TENM2: variants seen among roughly 807,000 people sequenced by gnomAD.
The protein encoded by TENM2 is teneurin transmembrane protein 2, also known as teneurin-2.
In TENM2, 52 loss-of-function variants were observed where a neutral mutation model predicts 245.2. The ratio of observed to expected loss-of-function variants is 0.21; its 90% CI spans 0.17 to 0.27. TENM2 has a LOEUF of 0.27. Ranked by LOEUF, TENM2 falls within the 10% of genes least tolerant of loss-of-function variation. The pLI is 1.00. For missense variants in TENM2, 3,046 were observed against 3,666.8 expected (o/e 0.83, Z 4.37); for synonymous variants, 1,363 against 1,438.9 (o/e 0.95, Z 1.19).
At chr5:167,783,635 C>T (rs1172975740) in intron 2 of TENM2, among the ~76,000 whole-genome samples, 2 of 152,212 alleles carry the variant, frequency 1.3e-5, no homozygotes, top group Non-Finnish European at 2.9e-5. Context: ...TTCCTCTATA[C>T]TGACCTTATG....
At chr5:167,991,576 G>A (rs999659378) in intron 4 of TENM2, among the ~76,000 whole-genome samples, 1 of 152,188 alleles carries the variant, frequency 6.6e-6, no homozygotes, top group Non-Finnish European at 1.5e-5. Flanking sequence ...AAGTGCCCTT[G>A]GAGCGACAGA....
At chr5:167,118,592 A>G in the TENM2 span, among the ~76,000 whole-genome samples, 1 of 152,232 alleles carries the variant, frequency 6.6e-6, no homozygotes, top group Non-Finnish European at 1.5e-5. Context: ...TTTATTGATC[A>G]AAGAAAACTT....
chr5:168,158,898 T>TAC (rs1326193295), intron 12 of TENM2, among the ~76,000 whole-genome samples: 10 of 141,306 alleles, frequency 7.1e-5, no homozygotes, highest in Non-Finnish European at 4.6e-5. Context: ...CGTATATATA[T>TAC]ACATGTATAT....
chr5:167,846,980 G>GT (rs1226231743), intron 2 of TENM2, among the ~76,000 whole-genome samples: 1 of 146,284 alleles, frequency 6.8e-6, no homozygotes. Context: ...GATTGGAAAT[G>GT]GGATCTCATT....
At chr5:167,206,847 A>G in the TENM2 span, among the ~76,000 whole-genome samples, 3 of 152,210 alleles carry the variant, frequency 2.0e-5, no homozygotes, top group African/African-American at 7.2e-5. Flanking sequence ...AACTAATGTT[A>G]CTATGACTTG....
At chr5:167,536,372 G>T (rs961110098) in intron 2 of TENM2, among the ~76,000 whole-genome samples, 1 of 152,022 alleles carries the variant, frequency 6.6e-6, no homozygotes, top group African/African-American at 2.4e-5. Context: ...TAAAGATAAT[G>T]ATCAGCAAAC....
the TENM2 span, among the ~76,000 whole-genome samples, chr5:167,174,109 GTT>G: frequency 7.1e-6 from 1 of 141,312 alleles, no homozygotes; most frequent in African/African-American, 2.6e-5. Context: ...GAGTTTTCTC[GTT>G]TTTTTTTTTT....
At chr5:167,013,036 A>G in the TENM2 span, among the ~76,000 whole-genome samples, 1 of 152,170 alleles carries the variant, frequency 6.6e-6, no homozygotes. Context: ...CAGGGGCCAG[A>G]CCTTGTGGGC....
intron 1 of TENM2, among the ~76,000 whole-genome samples, chr5:167,363,497 C>T (rs1264729850): frequency 2.0e-5 from 3 of 151,752 alleles, no homozygotes; most frequent in Non-Finnish European, 4.4e-5. Context: ...TTTGGGAGGT[C>T]GAGGCAGGCG....
intron 2 of TENM2, among the ~76,000 whole-genome samples, chr5:167,543,155 A>G (rs1242010047): frequency 6.6e-6 from 1 of 152,172 alleles, no homozygotes; most frequent in Admixed American, 6.5e-5. Flanking sequence ...AAGCTTAAGC[A>G]CTTCCGTTTA....
intron 3 of TENM2, among the ~76,000 whole-genome samples, chr5:167,907,657 C>T (rs1301159253): frequency 6.7e-6 from 1 of 148,366 alleles, no homozygotes. Flanking sequence ...AGTCCCAACA[C>T]TTTGGGAACC....
At chr5:166,986,929 T>C in the TENM2 span, among the ~76,000 whole-genome samples, 3 of 151,992 alleles carry the variant, frequency 2.0e-5, no homozygotes, top group African/African-American at 7.3e-5. Flanking sequence ...TTTTTATATT[T>C]GTTGTAATGT....
chr5:167,143,278 A>C, the TENM2 span, among the ~76,000 whole-genome samples: 2 of 152,330 alleles, frequency 1.3e-5, no homozygotes, highest in Non-Finnish European at 1.5e-5. Flanking sequence ...GCTTGGCAAG[A>C]ATGTCCACAC....
rs545917515 is a variant in TENM2, at chr5:168,012,040, T to A, written c.1186+18858T>A. On this transcript the variant is annotated intron_variant, in intron 5 of 28. Coordinates refer to ENST00000518659, the Ensembl canonical transcript of TENM2. ...GGTCTGTTTAACTGCAAAGCTCACG[T>A]TCTCACCACTATGTGTATTGCCATC... Among the ~76,000 whole-genome samples, 18 of 152,320 alleles carry A rather than the reference T, an allele frequency of 1.2e-4. No homozygotes were observed. In the South Asian group the frequency reaches 2.7e-3, roughly 23 times the overall value.
At chr5:167,856,449 A>G (rs1771106007) in intron 2 of TENM2, among the ~76,000 whole-genome samples, 1 of 152,228 alleles carries the variant, frequency 6.6e-6, no homozygotes, top group African/African-American at 2.4e-5. Flanking sequence ...TTGGCCAAAT[A>G]TTACACTTGT....
At chr5:167,706,043 A>G (rs1178165938) in intron 2 of TENM2, among the ~76,000 whole-genome samples, 1 of 144,058 alleles carries the variant, frequency 6.9e-6, no homozygotes, top group Non-Finnish European at 1.5e-5. Flanking sequence ...ATATATTTAT[A>G]TTATACAATA....
the TENM2 span, among the ~76,000 whole-genome samples, chr5:166,985,312 G>T: frequency 1.3e-5 from 2 of 152,110 alleles, no homozygotes; most frequent in African/African-American, 4.8e-5. Flanking sequence ...CGAGAAAAGG[G>T]CAGTGTGAAT....
chr5:167,891,207 G>T (rs1306828406), intron 3 of TENM2, among the ~76,000 whole-genome samples: 2 of 152,136 alleles, frequency 1.3e-5, no homozygotes, highest in African/African-American at 4.8e-5. Context: ...TGATGTATTT[G>T]TTTACCAAGT....
intron 1 of TENM2, among the ~76,000 whole-genome samples, chr5:167,355,764 A>G (rs919254380): frequency 3.3e-5 from 5 of 152,116 alleles, no homozygotes; most frequent in African/African-American, 9.7e-5. Context: ...ATAGAGAACA[A>G]TTGTCAGATT....
Sources: gnomAD v4.1 joint callset for allele counts (sites outside exome capture counted in the v4.1 genomes callset) on GRCh38, gnomAD v4.1.1 for gene constraint, MANE v1.5 for transcripts, NCBI Gene and HGNC (gene_info 2026-07-23, HGNC 2026-07-21) for gene names.